OPCML: variants seen among roughly 807,000 people sequenced by gnomAD.
OPCML encodes the protein opioid binding protein/cell adhesion molecule like.
A neutral mutation model predicts 37.8 loss-of-function variants in OPCML; 13 were observed. The ratio of observed to expected loss-of-function variants is 0.34; its 90% CI spans 0.22 to 0.55. OPCML has a LOEUF of 0.55. OPCML is among the 20% of genes least tolerant of loss of function. The probability of loss-of-function intolerance (pLI) is 0.91; values close to 1 mark genes in which losing one functional copy is unlikely to be tolerated. For missense variants in OPCML, 341 were observed against 435.6 expected (o/e 0.78, Z 1.93); for synonymous variants, 176 against 168.8 (o/e 1.04, Z -0.33).
At chr11:133,352,606 G>A (rs901239720) in intron 1 of OPCML, among the ~76,000 whole-genome samples, 3 of 152,198 alleles carry the variant, frequency 2.0e-5, no homozygotes, top group African/African-American at 7.2e-5. Flanking sequence ...TGAGGATAAG[G>A]ACTTAACTCT....
At chr11:133,007,239 T>C (rs1947130774) in intron 1 of OPCML, 1 of 985,454 alleles carries the variant, frequency 1.0e-6, no homozygotes, top group South Asian at 4.7e-5. Context: ...CCTCCGTTTA[T>C]TTTAGCAATT....
intron 2 of OPCML, among the ~76,000 whole-genome samples, chr11:132,863,803 A>T (rs984475064): frequency 1.3e-5 from 2 of 152,210 alleles, no homozygotes; most frequent in African/African-American, 4.8e-5. Context: ...TTCCCCACTC[A>T]GTCTGTTAGC....
intron 4 of OPCML, among the ~76,000 whole-genome samples, chr11:132,518,055 CT>C (rs1316452878): frequency 6.6e-6 from 1 of 152,088 alleles, no homozygotes; most frequent in Non-Finnish European, 1.5e-5. Flanking sequence ...AAAGACAAAA[CT>C]TTTTTAAAAA....
chr11:132,763,354 T>C (rs1946331074), intron 2 of OPCML, among the ~76,000 whole-genome samples: 1 of 152,182 alleles, frequency 6.6e-6, no homozygotes, highest in African/African-American at 2.4e-5. Context: ...TAGTACTAAT[T>C]ATACATATTA....
At chr11:133,233,304 G>T (rs1025648530) in intron 1 of OPCML, among the ~76,000 whole-genome samples, 1 of 152,102 alleles carries the variant, frequency 6.6e-6, no homozygotes, top group African/African-American at 2.4e-5. Flanking sequence ...TTGGCCTATT[G>T]ATTATTTTGA....
In OPCML at chr11:132,943,295, G is replaced by T; in HGVS notation, c.62-285C>A. ...GATCCTGCCTCAGCTTTCCAGCCTA[G>T]CAGAACCAGATGCCCCCTCCTGCAT... On this transcript the variant is annotated intron_variant, in intron 1 of 7. Coordinates refer to ENST00000524381, the MANE Select transcript of OPCML (RefSeq NM_001012393.5). The surrounding 1 kb of genome is among the most constrained non-coding windows in gnomAD (Gnocchi z 4.3). The T allele has an allele frequency of 1.3e-6, 1 of 753,012 alleles. No homozygotes were observed. Among genetic ancestry groups the T allele is most frequent in the Non-Finnish European group, 2.1e-6 (1 of 477,180 alleles). 46.6% of individuals were successfully genotyped at this position (753,012 alleles called of 1,614,324 possible).
intron 2 of OPCML, among the ~76,000 whole-genome samples, chr11:132,765,476 T>C (rs941808554): frequency 7.2e-5 from 11 of 152,198 alleles, no homozygotes; most frequent in African/African-American, 2.7e-4. Context: ...TAAATACCGA[T>C]GGCACGGCTT....
chr11:133,484,080 A>AGATAGATAGATT (rs1324054465), intron 1 of OPCML, among the ~76,000 whole-genome samples: 162 of 128,274 alleles, frequency 1.3e-3, no homozygotes, highest in African/African-American at 2.8e-3. Flanking sequence ...ATAGATAGAT[A>AGATAGATAGATT]GATTCATAGA....
chr11:133,146,724 G>C (rs376821545), intron 1 of OPCML, among the ~76,000 whole-genome samples: 100 of 152,292 alleles, frequency 6.6e-4, no homozygotes, highest in Middle Eastern at 3.4e-3. Flanking sequence ...GCCTCCCAAA[G>C]TGCTGGGATT....
At chr11:133,102,405 T>C (rs1949096026) in intron 1 of OPCML, among the ~76,000 whole-genome samples, 2 of 152,190 alleles carry the variant, frequency 1.3e-5, no homozygotes, top group African/African-American at 4.8e-5. Context: ...GTTCTCAGGA[T>C]GAGACAAGCT....
chr11:133,171,971 C>A (rs1182443758), intron 1 of OPCML, among the ~76,000 whole-genome samples: 1 of 152,154 alleles, frequency 6.6e-6, no homozygotes, highest in Non-Finnish European at 1.5e-5. Flanking sequence ...TGGTCTGTTC[C>A]TTCCATAGCA....
chr11:133,184,839 A>G (rs1938001597), intron 1 of OPCML, among the ~76,000 whole-genome samples: 1 of 152,224 alleles, frequency 6.6e-6, no homozygotes, highest in South Asian at 2.1e-4. Flanking sequence ...TAGGCAGGTG[A>G]ATGATAGCCC....
intron 3 of OPCML, among the ~76,000 whole-genome samples, chr11:132,534,507 C>A (rs566775768): frequency 4.6e-5 from 7 of 152,168 alleles, no homozygotes; most frequent in Non-Finnish European, 1.0e-4. Flanking sequence ...AAGACTTGAG[C>A]TGGAAAAGGC....
chr11:133,450,253 T>C (rs2136956814), intron 1 of OPCML, among the ~76,000 whole-genome samples: 1 of 151,888 alleles, frequency 6.6e-6, no homozygotes, highest in African/African-American at 2.4e-5. Flanking sequence ...TTAGGTTTAC[T>C]TTTAGGTATA....
At chr11:133,042,671 C>T (rs943054661) in intron 1 of OPCML, among the ~76,000 whole-genome samples, 3 of 152,150 alleles carry the variant, frequency 2.0e-5, no homozygotes, top group African/African-American at 7.2e-5. Context: ...TTGCCCAAGG[C>T]TAGCTCTGCA....
intron 1 of OPCML, among the ~76,000 whole-genome samples, chr11:133,340,402 T>A (rs1017786893): frequency 2.4e-4 from 37 of 152,198 alleles, no homozygotes; most frequent in Non-Finnish European, 3.4e-4. Context: ...AAAAGACTGT[T>A]CCACCTTGAA....
At chr11:132,724,528 A>G (rs927046696) in intron 2 of OPCML, among the ~76,000 whole-genome samples, 2 of 151,934 alleles carry the variant, frequency 1.3e-5, no homozygotes, top group Non-Finnish European at 2.9e-5. Flanking sequence ...ACACAGCCAA[A>G]CCATATTATT....
intron 2 of OPCML, among the ~76,000 whole-genome samples, chr11:132,834,112 G>A (rs10791254): frequency 0.3 from 45,081 of 152,026 alleles, 7,885 homozygotes; most frequent in Non-Finnish European, 0.41. Flanking sequence ...TTTCTGAGAA[G>A]TTGGCTGATG....
At chr11:133,196,527 G>A (rs919736177) in intron 1 of OPCML, among the ~76,000 whole-genome samples, 4 of 152,154 alleles carry the variant, frequency 2.6e-5, no homozygotes, top group Non-Finnish European at 5.9e-5. Context: ...TACCAGAGGG[G>A]ATAGGTTGGT....
Sources: allele counts gnomAD v4.1 joint callset (sites outside exome capture counted in the v4.1 genomes callset), GRCh38; gene constraint gnomAD v4.1.1; non-coding constraint Gnocchi (gnomAD v3.1); transcripts MANE v1.5; gene names NCBI Gene and HGNC (gene_info 2026-07-23, HGNC 2026-07-21).